Variants in GRIA1 observed in about 807,000 individuals in gnomAD.
GRIA1 encodes the protein glutamate receptor 1.
GRIA1 carries 31 observed loss-of-function variants against 99.2 expected under a neutral mutation model. That is an observed-to-expected ratio of 0.31 (90% CI 0.23 to 0.42). The LOEUF (loss-of-function observed/expected upper bound fraction) is 0.42, where lower values mean the gene tolerates loss of function less well. Among genes scored for constraint, GRIA1 ranks in the 10% least tolerant of loss-of-function variants. The pLI is 1.00. For missense variants in GRIA1, 782 were observed against 1,157.5 expected, an observed-to-expected ratio of 0.68 and a Z score of 4.71; for synonymous variants, 438 against 432.4, an observed-to-expected ratio of 1.01 and a Z score of -0.16.
intron 13 of GRIA1, among the ~76,000 whole-genome samples, chr5:153,794,375 A>C (rs1765502514): frequency 6.6e-6 from 1 of 152,238 alleles, no homozygotes; most frequent in Non-Finnish European, 1.5e-5. Flanking sequence ...CATTGCTTTC[A>C]AAATACCCAA....
At chr5:153,770,516 G>T in intron 13 of GRIA1, 101 bp downstream of exon 13, 1 of 1,109,462 alleles carries the variant, frequency 9.0e-7, no homozygotes, top group South Asian at 1.5e-5. Context: ...CACAATGCAA[G>T]CTGTTGAGGG....
Position 153,589,979 on chromosome 5 carries a change from A to C in GRIA1, c.221-56949A>C, listed in dbSNP as rs188359181. On this transcript the variant is annotated intron_variant, in intron 2 of 15. Transcript: ENST00000285900. ...CACAAATGGTGTTTTGGAGTAAACA[A>C]ATACCATTGTTTCTAACATTAAATT... Among the ~76,000 whole-genome samples, 131 of 152,300 alleles carry C rather than the reference A, an allele frequency of 8.6e-4. 1 individual carries two copies. The highest frequency in any genetic ancestry group is 3.1e-3 in the African/African-American group (127 of 41,570).
At chr5:153,729,153 A>G (rs961359933) in intron 11 of GRIA1, among the ~76,000 whole-genome samples, 2 of 150,850 alleles carry the variant, frequency 1.3e-5, no homozygotes, top group Non-Finnish European at 2.9e-5. Flanking sequence ...CAAACACCGC[A>G]TATTCTCACT....
chr5:153,559,056 T>G (rs1347796289), intron 2 of GRIA1, among the ~76,000 whole-genome samples: 2 of 152,208 alleles, frequency 1.3e-5, no homozygotes, highest in Non-Finnish European at 1.5e-5. Flanking sequence ...GCCAGCCTTC[T>G]TTCCCTTTCC....
chr5:153,548,336 A>AT (rs1759798782), intron 2 of GRIA1, among the ~76,000 whole-genome samples: 1 of 152,094 alleles, frequency 6.6e-6, no homozygotes, highest in South Asian at 2.1e-4. Flanking sequence ...AGCAATATGT[A>AT]TTTTTTAAAA....
intron 2 of GRIA1, among the ~76,000 whole-genome samples, chr5:153,626,444 C>CTGTGTGTG (rs3036985): frequency 7.8e-4 from 111 of 142,426 alleles, no homozygotes; most frequent in South Asian, 1.4e-3. Context: ...GTGTGTGTGT[C>CTGTGTGTG]TGTGTGTGTG....
In GRIA1 at chr5:153,812,579, T is replaced by G. The variant is rs973114589; in HGVS notation, c.*1354T>G. 1 of 152,234 alleles carries G rather than the reference T, an allele frequency of 6.6e-6. No individual in the cohort carries two copies. The allele number at this position is 152,234 out of a possible 1,614,324, so 9.4% of individuals were successfully genotyped here. ...TGACATTTAGGGCAACTTAAGACCT[T>G]TGATCCCAGGTTCTAACTCAAAGAG... On this transcript the variant is annotated 3_prime_UTR_variant, in exon 16 of 16. Coordinates refer to ENST00000285900, the MANE Select transcript of GRIA1 (RefSeq NM_000827.4).
chr5:153,609,015 A>T (rs1435257589), intron 2 of GRIA1, among the ~76,000 whole-genome samples: 1 of 152,100 alleles, frequency 6.6e-6, no homozygotes, highest in Non-Finnish European at 1.5e-5. Context: ...CCTTACTCCT[A>T]TTGGGCAGCC....
At chr5:153,721,304 T>A (rs1233015966) in intron 11 of GRIA1, among the ~76,000 whole-genome samples, 1 of 152,092 alleles carries the variant, frequency 6.6e-6, no homozygotes, top group African/African-American at 2.4e-5. Flanking sequence ...TAGATAGGAG[T>A]GAAGTTTCCC....
chr5:153,680,483 G>T (rs1425465913), intron 7 of GRIA1, among the ~76,000 whole-genome samples: 2 of 152,128 alleles, frequency 1.3e-5, no homozygotes, highest in African/African-American at 4.8e-5. Flanking sequence ...GAAATCTGTA[G>T]ATTCTTTTGC....
intron 8 of GRIA1, among the ~76,000 whole-genome samples, chr5:153,695,322 G>A (rs947307138): frequency 6.6e-5 from 10 of 152,178 alleles, no homozygotes; most frequent in African/African-American, 2.4e-4. Context: ...TACTACCAGA[G>A]TGCTTTTAAA....
intron 11 of GRIA1, among the ~76,000 whole-genome samples, chr5:153,729,601 G>A (rs941235445): frequency 1.3e-5 from 2 of 151,858 alleles, no homozygotes; most frequent in African/African-American, 4.8e-5. Flanking sequence ...GAACCACAGA[G>A]CAAACATTTT....
At chr5:153,747,738 G>A (rs543592326) in intron 11 of GRIA1, among the ~76,000 whole-genome samples, 16 of 152,314 alleles carry the variant, frequency 1.1e-4, no homozygotes, top group African/African-American at 3.6e-4. Context: ...CCAGTTACGT[G>A]ACATCTCTTT....
intron 2 of GRIA1, among the ~76,000 whole-genome samples, chr5:153,537,120 A>C (rs532609425): frequency 6.6e-6 from 1 of 152,312 alleles, no homozygotes; most frequent in South Asian, 2.1e-4. Flanking sequence ...TAATCTCCTA[A>C]CATTCCAAAG....
At chr5:153,687,313 A>T (rs1241055900) in intron 8 of GRIA1, among the ~76,000 whole-genome samples, 2 of 152,100 alleles carry the variant, frequency 1.3e-5, no homozygotes, top group Non-Finnish European at 2.9e-5. Context: ...TTCACCACTT[A>T]CTAGTCTGGG....
chr5:153,679,769 C>T (rs1756844426), intron 7 of GRIA1, among the ~76,000 whole-genome samples: 1 of 152,194 alleles, frequency 6.6e-6, no homozygotes, highest in South Asian at 2.1e-4. Flanking sequence ...GCCTTCAGGT[C>T]ACATAGTGGG....
intron 2 of GRIA1, among the ~76,000 whole-genome samples, chr5:153,557,013 T>C (rs958850311): frequency 6.6e-6 from 1 of 152,168 alleles, no homozygotes; most frequent in Non-Finnish European, 1.5e-5. Context: ...AACACAATGG[T>C]AAGTATTTGT....
At chr5:153,668,954 G>A (rs1204426629) in intron 5 of GRIA1, among the ~76,000 whole-genome samples, 1 of 152,204 alleles carries the variant, frequency 6.6e-6, no homozygotes, top group Non-Finnish European at 1.5e-5. Flanking sequence ...CTCCACTGGT[G>A]GAGCAGTAGA....
At chr5:153,696,942 G>A (rs113774374) in intron 8 of GRIA1, among the ~76,000 whole-genome samples, 3 of 152,186 alleles carry the variant, frequency 2.0e-5, no homozygotes, top group Admixed American at 6.5e-5. Context: ...GCCTTGAGGT[G>A]TAGTCTACAC....
Sources: gnomAD v4.1 joint callset for allele counts (sites outside exome capture counted in the v4.1 genomes callset) on GRCh38, gnomAD v4.1.1 for gene constraint, MANE v1.5 for transcripts, NCBI Gene and HGNC (gene_info 2026-07-23, HGNC 2026-07-21) for gene names.